STK10: variants seen among roughly 807,000 people sequenced by gnomAD.
STK10 encodes the protein serine/threonine-protein kinase 10.
STK10 carries 78 observed loss-of-function variants against 113.8 expected under a neutral mutation model. The observed-to-expected ratio is 0.69, with a 90% CI of 0.57 to 0.83. STK10 has a LOEUF of 0.83. Among genes scored for constraint, STK10 ranks in the 40% least tolerant of loss-of-function variants. The pLI is 0.00. For missense variants in STK10, 1,109 were observed against 1,280.1 expected (o/e 0.87, Z 2.04); for synonymous variants, 465 against 494.7 (o/e 0.94, Z 0.80).
At chr5:172,086,496 C>A (rs1193329019) in intron 10 of STK10, among the ~76,000 whole-genome samples, 1 of 152,158 alleles carries the variant, frequency 6.6e-6, no homozygotes. Context: ...GAAGGAAAGG[C>A]AAGCAAAGAG....
chr5:172,088,689 C>T (rs1480705169), intron 10 of STK10, among the ~76,000 whole-genome samples: 2 of 152,120 alleles, frequency 1.3e-5, no homozygotes, highest in African/African-American at 4.8e-5. Context: ...TGTTAAGCTC[C>T]CCCAACCCCT....
chr5:172,085,054 G>A (rs1768520077), intron 10 of STK10, among the ~76,000 whole-genome samples: 1 of 152,098 alleles, frequency 6.6e-6, no homozygotes, highest in African/African-American at 2.4e-5. Flanking sequence ...AGACCAGCCT[G>A]GGCCACATAG....
At position 172,131,032 on chromosome 5, in the gene STK10, G is replaced by GTTT. The variant is rs773484183; in HGVS notation, c.322-3614_322-3612dup. Among the ~76,000 whole-genome samples the GTTT allele has an allele frequency of 1.2e-3, 126 of 109,512 alleles. 3 individuals are homozygous for GTTT. Among genetic ancestry groups the GTTT allele is most frequent in the African/African-American group, 2.0e-3 (54 of 26,974 alleles). 71.8% of individuals were successfully genotyped at this position (109,512 alleles called of 152,430 possible). ...AAAAGTTATGGACATGCCATCAGCT[G>GTTT]TTTTTTTTTTTTTTTTTTTTTGACA... is the stretch of plus-strand genomic sequence containing the variant. On this transcript the variant is annotated intron_variant, in intron 2 of 18. Coordinates refer to ENST00000176763, the MANE Select transcript of STK10 (RefSeq NM_005990.4).
intron 12 of STK10, among the ~76,000 whole-genome samples, chr5:172,069,853 G>C (rs1768138618): frequency 6.6e-6 from 1 of 152,150 alleles, no homozygotes; most frequent in Non-Finnish European, 1.5e-5. Context: ...AACAACAGCA[G>C]AATACACATC....
At chr5:172,161,611 T>C (rs1166202799) in intron 1 of STK10, among the ~76,000 whole-genome samples, 1 of 152,178 alleles carries the variant, frequency 6.6e-6, no homozygotes, top group Non-Finnish European at 1.5e-5. Context: ...AATATGCCAT[T>C]TGTCATATTA....
rs542197909 is a variant in STK10, at chr5:172,147,384, T to TTTTC, written c.321+9236_321+9239dup. Among the ~76,000 whole-genome samples, 427 of 151,942 alleles carry TTTTC rather than the reference T, an allele frequency of 2.8e-3. 5 individuals carry two copies. The highest frequency in any genetic ancestry group is 9.8e-3 in the African/African-American group (408 of 41,426). ...ACCCAGCAAGACCTGCTGCTCAGACTTTTCTTTCTTTCTTTTTTTTTTTTT... is the reference window on the plus strand; with the variant it reads ...ACCCAGCAAGACCTGCTGCTCAGACTTTTCTTTCTTTCTTTCTTTTTTTTTTTTT... On this transcript the variant is annotated intron_variant, in intron 2 of 18. Transcript: ENST00000176763.
chr5:172,090,361 T>C lies in STK10; in HGVS notation c.1556A>G (p.Asp519Gly). The change falls in exon 10 of 19, where the codon GAC becomes GGC. Residue 519 changes from aspartate (D) to glycine (G), a missense_variant and splice_region_variant. Coordinates refer to ENST00000176763, the MANE Select transcript of STK10 (RefSeq NM_005990.4). ...GAGGGTTTTTTTGTACAGTTTCGGG[T>C]CCTGGCCAGGGAAAACCATTAGACA... is the stretch of plus-strand genomic sequence containing the variant. ...NKEMGSLSIK[D>G]PKLYKKTLKR... The C allele has an allele frequency of 6.2e-7, 1 of 1,613,554 alleles. No homozygotes were observed. The highest frequency in any genetic ancestry group is 8.5e-7 in the Non-Finnish European group (1 of 1,179,752).
intron 1 of STK10, among the ~76,000 whole-genome samples, chr5:172,166,923 G>C (rs529960528): frequency 6.6e-6 from 1 of 151,048 alleles, no homozygotes; most frequent in African/African-American, 2.5e-5. Context: ...GCACTTTGAG[G>C]GGCTGAGGCG....
chr5:172,097,834 C>T (rs1403576112), intron 7 of STK10, among the ~76,000 whole-genome samples: 1 of 152,148 alleles, frequency 6.6e-6, no homozygotes, highest in South Asian at 2.1e-4. Context: ...ATGTCAGAGT[C>T]TTATTTAAAA....
At chr5:172,174,335 C>T (rs1770716809) in intron 1 of STK10, among the ~76,000 whole-genome samples, 1 of 152,076 alleles carries the variant, frequency 6.6e-6, no homozygotes, top group Non-Finnish European at 1.5e-5. Flanking sequence ...TCACGCCCAG[C>T]CAATTTTTGT....
chr5:172,064,544 C>G (rs1466250554), intron 13 of STK10, 176 bp downstream of exon 13: 4 of 640,386 alleles, frequency 6.2e-6, no homozygotes, highest in Non-Finnish European at 5.5e-6. Context: ...GCAGGGCAAT[C>G]GAGGAAGGCT....
At chr5:172,094,522 A>G (rs1768803277) in intron 8 of STK10, among the ~76,000 whole-genome samples, 1 of 151,904 alleles carries the variant, frequency 6.6e-6, no homozygotes, top group Admixed American at 6.6e-5. Context: ...AGCTGGGACT[A>G]CAGGTGCATG....
Position 172,082,871 on chromosome 5 carries a change from A to C in STK10, c.1809+90T>G. ...GGGCAATTGTTGTGAATTACTCTCC[A>C]CTACCCAATCATTCCCACTATGTAG... is the stretch of plus-strand genomic sequence containing the variant. On this transcript the variant is annotated intron_variant, in intron 11 of 18. Transcript: ENST00000176763. This position sits in a 1 kb window ranked among gnomAD's most constrained non-coding sequence, Gnocchi z 4.3. The C allele has an allele frequency of 1.3e-6, 2 of 1,556,208 alleles. No homozygotes were observed. Among genetic ancestry groups the C allele is most frequent in the Admixed American group, 2.0e-5 (1 of 49,926 alleles).
Position 172,133,811 on chromosome 5 carries a change from T to C in STK10, c.322-6390A>G, listed in dbSNP as rs1381109129. Among the ~76,000 whole-genome samples the C allele has an allele frequency of 6.6e-6, 1 of 152,234 alleles. No homozygotes were observed. Among genetic ancestry groups the C allele is most frequent in the Non-Finnish European group, 1.5e-5 (1 of 68,044 alleles). On this transcript the variant is annotated intron_variant, in intron 2 of 18. Transcript: ENST00000176763. This position sits in a 1 kb window ranked among gnomAD's most constrained non-coding sequence, Gnocchi z 4.9. ...AGGTTAGTTTAAGGTTTGCTGTCAC[T>C]TGTTACCAAAAGTACCTGATCCCAC...
At chr5:172,064,833 A>C in intron 12 of STK10, 21 bp from the exon 13 acceptor site, 3 of 1,613,514 alleles carry the variant, frequency 1.9e-6, no homozygotes, top group Non-Finnish European at 2.5e-6. Context: ...GACAGCAGAG[A>C]GTAGCTGGGT....
Position 172,117,534 on chromosome 5 carries a change from C to T in STK10, c.467G>A (p.Arg156Gln), listed in dbSNP as rs1246675740. The stretch of plus-strand genomic sequence containing the variant: ...CAGCACGTTGCCAGCTTTCAGATCT[C>T]GGTGGATGATCCTCTTGCTGTGCAG... The part of the protein sequence containing the change: ...NFLHSKRIIH[R>Q]DLKAGNVLMT... Residue 156 changes from arginine to glutamine, a missense_variant, in exon 4 of 19, where the codon CGA becomes CAA. Transcript: ENST00000176763. The T allele has an allele frequency of 1.2e-6, 2 of 1,613,466 alleles. No individual in the cohort carries two copies. The highest frequency in any genetic ancestry group is 1.1e-5 in the South Asian group (1 of 91,034).
At chr5:172,162,839 G>T (rs796447018) in intron 1 of STK10, among the ~76,000 whole-genome samples, 9 of 152,318 alleles carry the variant, frequency 5.9e-5, no homozygotes, top group African/African-American at 2.2e-4. Flanking sequence ...GATGGTGGAG[G>T]AGGCCCAGGT....
chr5:172,121,749 A>T (rs2113782556), intron 3 of STK10, among the ~76,000 whole-genome samples: 1 of 151,846 alleles, frequency 6.6e-6, no homozygotes, highest in East Asian at 1.9e-4. Context: ...TGTTTTTTGG[A>T]GACAGAGTCT....
At chr5:172,071,149 C>CAGT (rs1035790572) in intron 12 of STK10, among the ~76,000 whole-genome samples, 2 of 132,590 alleles carry the variant, frequency 1.5e-5, no homozygotes, top group African/African-American at 2.9e-5. Flanking sequence ...GCAGAGGTTG[C>CAGT]AGTGAGCTGA....
Sources: gnomAD v4.1 joint callset for allele counts (sites outside exome capture counted in the v4.1 genomes callset) on GRCh38, gnomAD v4.1.1 for gene constraint, Gnocchi (gnomAD v3.1) non-coding constraint, MANE v1.5 for transcripts, NCBI Gene and HGNC (gene_info 2026-07-23, HGNC 2026-07-21) for gene names.